Variants in COL4A2 observed in about 807,000 individuals in gnomAD.
COL4A2 encodes the protein collagen alpha-2(IV) chain.
COL4A2 carries 99 observed loss-of-function variants against 200.2 expected under a neutral mutation model. The ratio of observed to expected loss-of-function variants is 0.49; its 90% CI spans 0.42 to 0.58. The LOEUF is 0.58. Among genes scored for constraint, COL4A2 ranks in the 20% least tolerant of loss-of-function variants. The probability of loss-of-function intolerance (pLI) is 0.00; values close to 1 mark genes in which losing one functional copy is unlikely to be tolerated. For missense variants in COL4A2, 1,950 were observed against 2,314.1 expected, an observed-to-expected ratio of 0.84 and a Z score of 3.23; for synonymous variants, 897 against 900.6, an observed-to-expected ratio of 1.00 and a Z score of 0.07.
chr13:110,360,775 G>C (rs1372188184), intron 4 of COL4A2, among the ~76,000 whole-genome samples: 1 of 152,224 alleles, frequency 6.6e-6, no homozygotes, highest in African/African-American at 2.4e-5. Context: ...AAAAGACAGA[G>C]GCAAACGATA....
intron 27 of COL4A2, among the ~76,000 whole-genome samples, chr13:110,468,816 A>G (rs1421191576): frequency 1.3e-5 from 2 of 152,128 alleles, no homozygotes; most frequent in East Asian, 3.9e-4. Flanking sequence ...GAAAAGAGTC[A>G]CCTCATAGTC....
At chr13:110,311,547 A>G (rs893148260) in intron 3 of COL4A2, among the ~76,000 whole-genome samples, 1 of 152,072 alleles carries the variant, frequency 6.6e-6, no homozygotes, top group Non-Finnish European at 1.5e-5. Context: ...CACCCACCTC[A>G]TAGATGGGGG....
Position 110,506,468 on chromosome 13 carries a change from G to A in COL4A2, c.4456G>A (p.Val1486Ile), listed in dbSNP as rs201426733. 1.7e-4 allele frequency: 274 copies of A among 1,612,942 alleles called. 2 individuals are homozygous for A. The East Asian group carries it at 4.3e-3, about 25-fold the overall frequency. The stretch of plus-strand genomic sequence containing the variant: ...CCTGCCGGGTATGCCAGGCCGCAGC[G>A]TCAGCATCGGCTACCTCCTGGTGAA... ...PGLPGMPGRS[V>I]SIGYLLVKHS... Residue 1486 changes from valine (V) to isoleucine (I), a missense_variant, in exon 46 of 48, where the codon GTC becomes ATC. Val to Ile is a conservative substitution (Grantham distance 29). This residue lies in a region of COL4A2 where 1,385 missense variants were observed against 1,720.5 expected (regional missense o/e 0.80). Transcript: ENST00000360467.
intron 4 of COL4A2, among the ~76,000 whole-genome samples, chr13:110,365,361 G>C (rs185262208): frequency 6.6e-6 from 1 of 152,048 alleles, no homozygotes; most frequent in Non-Finnish European, 1.5e-5. Context: ...GGATGGTCTC[G>C]AACTCCTGAC....
At chr13:110,332,513 A>G (rs376365372) in intron 3 of COL4A2, among the ~76,000 whole-genome samples, 12 of 152,330 alleles carry the variant, frequency 7.9e-5, no homozygotes, top group African/African-American at 2.9e-4. Context: ...TCCCACACAC[A>G]GCACCTTCTT....
intron 3 of COL4A2, among the ~76,000 whole-genome samples, chr13:110,324,728 C>G (rs1422168076): frequency 2.0e-5 from 3 of 152,132 alleles, no homozygotes; most frequent in African/African-American, 7.2e-5. Flanking sequence ...GCTCTTCTGG[C>G]CTCGGGATTG....
intron 32 of COL4A2, among the ~76,000 whole-genome samples, chr13:110,484,415 C>T (rs1025408565): frequency 6.6e-6 from 1 of 152,080 alleles, no homozygotes; most frequent in African/African-American, 2.4e-5. Flanking sequence ...GCTCTGGGCC[C>T]CTCCCCTCCT....
Position 110,491,221 on chromosome 13 carries a change from C to G in COL4A2, c.3347-12C>G, listed in dbSNP as rs1470643898. The G allele has an allele frequency of 6.4e-7, 1 of 1,573,856 alleles. No individual in the cohort carries two copies. Among genetic ancestry groups the G allele is most frequent in the African/African-American group, 1.4e-5 (1 of 73,898 alleles). ...TGTCTGTTTGTTCCAAGCAGCATGT[C>G]TGTGGTTGCAGGTCTGAAGGGATTC... is the stretch of plus-strand genomic sequence containing the variant. On this transcript the variant is annotated splice_polypyrimidine_tract_variant and intron_variant, in intron 36 of 47. Transcript: ENST00000360467.
chr13:110,444,892 C>G (rs564920064), intron 16 of COL4A2, among the ~76,000 whole-genome samples: 3 of 152,258 alleles, frequency 2.0e-5, no homozygotes, highest in African/African-American at 7.2e-5. Flanking sequence ...GCTGTGTTGC[C>G]CAGGCTGGAG....
chr13:110,385,047 G>A (rs952561762), intron 4 of COL4A2, among the ~76,000 whole-genome samples: 5 of 152,174 alleles, frequency 3.3e-5, no homozygotes, highest in African/African-American at 7.2e-5. Context: ...GGCGGATCAC[G>A]AGGTCAGGAG....
intron 45 of COL4A2, among the ~76,000 whole-genome samples, chr13:110,504,717 T>A (rs1207679921): frequency 6.6e-6 from 1 of 152,116 alleles, no homozygotes; most frequent in African/African-American, 2.4e-5. Flanking sequence ...GCGATTCTCC[T>A]GTCTTAGCCT....
chr13:110,430,097 C>A, intron 8 of COL4A2, 141 bp downstream of exon 8: 1 of 839,104 alleles, frequency 1.2e-6, no homozygotes, highest in Non-Finnish European at 1.7e-6. Context: ...ATCTAAAAGT[C>A]ATCTTACTTC....
chr13:110,493,179 G>A lies in COL4A2; in HGVS notation c.3563-32G>A, dbSNP rs1472534902. 4 of 1,611,130 alleles carry A rather than the reference G, an allele frequency of 2.5e-6. No individual in the cohort carries two copies. In the East Asian group the frequency reaches 6.7e-5, roughly 27 times the overall value. On this transcript the variant is annotated intron_variant, in intron 38 of 47. Coordinates refer to ENST00000360467, the MANE Select transcript of COL4A2 (RefSeq NM_001846.4). ...AACGATGAGTGACACCCCCGCAGGT[G>A]AAATAAATAACGATGAGTGACACCC... is the stretch of plus-strand genomic sequence containing the variant.
chr13:110,450,828 C>T (rs987252340), intron 20 of COL4A2, among the ~76,000 whole-genome samples: 1 of 152,230 alleles, frequency 6.6e-6, no homozygotes, highest in African/African-American at 2.4e-5. Context: ...TTCCACAAAC[C>T]TAATCCAGGG....
intron 4 of COL4A2, among the ~76,000 whole-genome samples, chr13:110,383,198 G>A (rs1043854165): frequency 3.3e-5 from 5 of 152,174 alleles, no homozygotes; most frequent in African/African-American, 1.2e-4. Flanking sequence ...GCCTTTTTGA[G>A]CCATGGAAGA....
chr13:110,384,575 A>G (rs1594182605), intron 4 of COL4A2, among the ~76,000 whole-genome samples: 1 of 152,128 alleles, frequency 6.6e-6, no homozygotes, highest in African/African-American at 2.4e-5. Flanking sequence ...TGGACTTGCT[A>G]TGTCCTCTGG....
At position 110,316,680 on chromosome 13, in the gene COL4A2, AACTGCTCTAAGCCACGGATGGTTCAC is replaced by A. The variant is rs538886010; in HGVS notation, c.99+8559_99+8584del. Among the ~76,000 whole-genome samples, 4 of 152,304 alleles carry A rather than the reference AACTGCTCTAAGCCACGGATGGTTCAC, an allele frequency of 2.6e-5. No homozygotes were observed. In the South Asian group the frequency reaches 8.3e-4, roughly 32 times the overall value. On this transcript the variant is annotated intron_variant, in intron 3 of 47. Transcript: ENST00000360467. ...TGTTTGCTGAGCCACTGGTGCTGCA[AACTGCTCTAAGCCACGGATGGTTCAC>A]AGATGGGTAAACTGAGGCATGTGCA...
At chr13:110,376,501 T>C (rs1878243603) in intron 4 of COL4A2, among the ~76,000 whole-genome samples, 1 of 152,232 alleles carries the variant, frequency 6.6e-6, no homozygotes, top group Non-Finnish European at 1.5e-5. Flanking sequence ...ACTATTTTTC[T>C]GATAGTTTTG....
intron 24 of COL4A2, among the ~76,000 whole-genome samples, chr13:110,464,896 A>G (rs912824526): frequency 4.6e-5 from 7 of 152,008 alleles, no homozygotes; most frequent in African/African-American, 1.7e-4. Flanking sequence ...TTTCATCCAC[A>G]GGGCAGCCCC....
Sources: gnomAD v4.1 joint callset for allele counts (sites outside exome capture counted in the v4.1 genomes callset) on GRCh38, gnomAD v4.1.1 for gene constraint, gnomAD v4.1.1 regional missense constraint, MANE v1.5 for transcripts, NCBI Gene and HGNC (gene_info 2026-07-23, HGNC 2026-07-21) for gene names.